The following HPCAL1 variants were observed in gnomAD, a reference collection of about 807,000 sequenced individuals.
HPCAL1 encodes the protein hippocalcin-like protein 1.
In HPCAL1, 8 loss-of-function variants were observed where a neutral mutation model predicts 17.1. The observed-to-expected ratio is 0.47, with a 90% CI of 0.27 to 0.84. The LOEUF (loss-of-function observed/expected upper bound fraction) is 0.84. Ranked by LOEUF, HPCAL1 falls within the 40% of genes least tolerant of loss-of-function variation. HPCAL1 has a pLI of 0.13. For missense variants in HPCAL1, 165 were observed against 271.1 expected (o/e 0.61, Z 2.75); for synonymous variants, 112 against 111.4 (o/e 1.01, Z -0.03).
intron 1 of HPCAL1, among the ~76,000 whole-genome samples, chr2:10,366,970 C>T (rs7578524): frequency 0.079 from 11,955 of 152,124 alleles, 565 homozygotes; most frequent in Middle Eastern, 0.16. Context: ...CGCCAGGTTC[C>T]TTGATGTGTT....
At chr2:10,370,506 G>C (rs981254523) in intron 1 of HPCAL1, among the ~76,000 whole-genome samples, 8 of 152,234 alleles carry the variant, frequency 5.3e-5, no homozygotes, top group Non-Finnish European at 1.2e-4. Flanking sequence ...AAGGAGCAGA[G>C]GAGGGGCTGG....
At chr2:10,340,345 G>C (rs530265556) in intron 1 of HPCAL1, among the ~76,000 whole-genome samples, 1 of 152,194 alleles carries the variant, frequency 6.6e-6, no homozygotes, top group African/African-American at 2.4e-5. Context: ...ACCATGTAAG[G>C]TGTAGCCACA....
At chr2:10,334,215 G>A (rs1161158770) in intron 1 of HPCAL1, among the ~76,000 whole-genome samples, 3 of 152,230 alleles carry the variant, frequency 2.0e-5, no homozygotes, top group Non-Finnish European at 4.4e-5. Flanking sequence ...CAGGCATGGT[G>A]GCTCACGCCT....
chr2:10,309,113 C>T (rs540862405), intron 1 of HPCAL1, among the ~76,000 whole-genome samples: 1 of 152,152 alleles, frequency 6.6e-6, no homozygotes, highest in African/African-American at 2.4e-5. Context: ...CAGCTCACTG[C>T]AGCCTTGAAC....
Position 10,331,145 on chromosome 2 carries a change from G to A in HPCAL1, c.-111+27968G>A, listed in dbSNP as rs1383717550. 1.8e-4 allele frequency among the ~76,000 whole-genome samples: 28 copies of A among 152,240 alleles called. No homozygotes were observed. Among genetic ancestry groups the A allele is most frequent in the Non-Finnish European group, 8.8e-5 (6 of 68,000 alleles). ...TGACCGCACCCTCTTACTGCATGCG[G>A]GCCTTGCCAAGAGCCTGCAGAGGGC... On this transcript the variant is annotated intron_variant, in intron 1 of 4. Transcript: ENST00000307845. This position sits in a 1 kb window ranked among gnomAD's most constrained non-coding sequence, Gnocchi z 5.0.
rs934465340 is a variant in HPCAL1 at position 10,357,856 on chromosome 2, A to G, written c.-110-38979A>G. Among the ~76,000 whole-genome samples, 9 of 149,648 alleles carry G rather than the reference A, an allele frequency of 6.0e-5. 1 individual carries two copies. The South Asian group carries it at 6.3e-4, about 10-fold the overall frequency. The stretch of plus-strand genomic sequence containing the variant: ...GGCAGGAAAAAAAAAAAAGCGTGCT[A>G]TGCCAGAAAGCAGGAGCAGCTGGGA... On this transcript the variant is annotated intron_variant, in intron 1 of 4. Transcript: ENST00000307845.
At chr2:10,391,621 C>G (rs1668701344) in intron 1 of HPCAL1, among the ~76,000 whole-genome samples, 1 of 152,210 alleles carries the variant, frequency 6.6e-6, no homozygotes, top group African/African-American at 2.4e-5. Flanking sequence ...CCCTCTTTCC[C>G]CATCCGCTCT....
intron 1 of HPCAL1, among the ~76,000 whole-genome samples, chr2:10,315,088 G>A (rs1470524451): frequency 2.6e-5 from 4 of 152,014 alleles, no homozygotes; most frequent in African/African-American, 4.8e-5. Flanking sequence ...TCAGGAGATC[G>A]AGACCATCCT....
intron 1 of HPCAL1, among the ~76,000 whole-genome samples, chr2:10,335,334 C>T (rs544164115): frequency 6.6e-6 from 1 of 152,320 alleles, no homozygotes; most frequent in East Asian, 1.9e-4. Flanking sequence ...TGTCTCAAGG[C>T]AGTCCTGTGG....
chr2:10,310,680 T>C lies in HPCAL1; in HGVS notation c.-111+7503T>C, dbSNP rs961271770. Among the ~76,000 whole-genome samples, 9 of 152,126 alleles carry C rather than the reference T, an allele frequency of 5.9e-5. No individual in the cohort carries two copies. The highest frequency in any genetic ancestry group is 5.2e-4 in the Admixed American group (8 of 15,272). On this transcript the variant is annotated intron_variant, in intron 1 of 4. Transcript: ENST00000307845. The surrounding 1 kb of genome is among the most constrained non-coding windows in gnomAD (Gnocchi z 4.5). Reference sequence around the variant, plus strand: ...CCTCAGGCATAACGAGGCCCGGAGCTGGTGGTCCCCTCCCTCTGTGAGTGT... The same window carrying C: ...CCTCAGGCATAACGAGGCCCGGAGCCGGTGGTCCCCTCCCTCTGTGAGTGT...
chr2:10,375,456 G>A (rs10208581), intron 1 of HPCAL1, among the ~76,000 whole-genome samples: 16,149 of 152,208 alleles, frequency 0.11, 1,758 homozygotes, highest in East Asian at 0.46. Flanking sequence ...TGGGGGAGGG[G>A]GGCCAGGGGG....
chr2:10,422,103 G>A (rs1443177822), intron 3 of HPCAL1, among the ~76,000 whole-genome samples: 3 of 152,172 alleles, frequency 2.0e-5, no homozygotes, highest in Non-Finnish European at 4.4e-5. Context: ...GCAGTGAGGA[G>A]CAGCCACTTC....
chr2:10,357,453 A>C (rs1383785937), intron 1 of HPCAL1, among the ~76,000 whole-genome samples: 1 of 152,166 alleles, frequency 6.6e-6, no homozygotes, highest in Non-Finnish European at 1.5e-5. Flanking sequence ...GGGGCCCGGG[A>C]ACCACCCCAG....
intron 2 of HPCAL1, among the ~76,000 whole-genome samples, chr2:10,400,770 C>T (rs908538568): frequency 8.0e-6 from 1 of 125,240 alleles, no homozygotes; most frequent in Non-Finnish European, 1.7e-5. Context: ...CACATGCACA[C>T]ATACACACAC....
At chr2:10,404,577 G>A (rs1669859857) in intron 2 of HPCAL1, among the ~76,000 whole-genome samples, 1 of 152,206 alleles carries the variant, frequency 6.6e-6, no homozygotes, top group African/African-American at 2.4e-5. Flanking sequence ...CTCATGCCCT[G>A]AGGCAGCCCC....
Position 10,343,116 on chromosome 2 carries a change from T to C in HPCAL1, c.-111+39939T>C, listed in dbSNP as rs956687213. ...TTTCCAAGTGGGCCCGCAGCTCTGA[T>C]GTGCAGTGGGTATGCACTGGCAAGC... is the stretch of plus-strand genomic sequence containing the variant. On this transcript the variant is annotated intron_variant, in intron 1 of 4. Coordinates refer to ENST00000307845, the MANE Select transcript of HPCAL1 (RefSeq NM_002149.4). The surrounding 1 kb of genome is among the most constrained non-coding windows in gnomAD (Gnocchi z 4.8). 1.3e-5 allele frequency among the ~76,000 whole-genome samples: 2 copies of C among 152,228 alleles called. No homozygotes were observed. Among genetic ancestry groups the C allele is most frequent in the Non-Finnish European group, 2.9e-5 (2 of 68,042 alleles).
At chr2:10,351,050 A>G (rs1415058205) in intron 1 of HPCAL1, among the ~76,000 whole-genome samples, 1 of 152,256 alleles carries the variant, frequency 6.6e-6, no homozygotes. Context: ...CATATGACCT[A>G]GCAGTTGTAC....
At chr2:10,337,153 C>A (rs982843985) in intron 1 of HPCAL1, among the ~76,000 whole-genome samples, 4 of 152,092 alleles carry the variant, frequency 2.6e-5, no homozygotes, top group Admixed American at 2.6e-4. Flanking sequence ...AACCCTGGGG[C>A]CCAACCAGTG....
intron 1 of HPCAL1, among the ~76,000 whole-genome samples, chr2:10,364,677 C>T (rs766191253): frequency 1.3e-5 from 2 of 152,008 alleles, no homozygotes; most frequent in Non-Finnish European, 2.9e-5. Context: ...CTCGACCTCC[C>T]CCGGCTCAGG....
Sources: gnomAD v4.1 joint callset for allele counts (sites outside exome capture counted in the v4.1 genomes callset) on GRCh38, gnomAD v4.1.1 for gene constraint, Gnocchi (gnomAD v3.1) non-coding constraint, MANE v1.5 for transcripts, NCBI Gene and HGNC (gene_info 2026-07-23, HGNC 2026-07-21) for gene names.